Variants in EEFSEC observed in about 807,000 individuals in gnomAD.
EEFSEC encodes eukaryotic elongation factor, selenocysteine-tRNA specific.
Under a neutral mutation model 42.1 loss-of-function variants are expected in EEFSEC, and 43 were observed. That is an observed-to-expected ratio of 1.02 (90% CI 0.80 to 1.32). The LOEUF (loss-of-function observed/expected upper bound fraction) is 1.32, where lower values mean the gene tolerates loss of function less well. Among genes scored for constraint, EEFSEC ranks in the 40% most tolerant of loss-of-function variants. The pLI, the probability that EEFSEC is intolerant of heterozygous loss-of-function variation, is 0.00. For synonymous variants in EEFSEC, 354 were observed against 339.1 expected (o/e 1.04, Z -0.48); for missense variants, 745 against 803.6 (o/e 0.93, Z 0.88).
chr3:128,320,367 GTAGT>G (rs1052831965), intron 4 of EEFSEC, among the ~76,000 whole-genome samples: 4 of 152,232 alleles, frequency 2.6e-5, no homozygotes, highest in African/African-American at 9.7e-5. Context: ...AGTAGCAGTA[GTAGT>G]TTTAATCGCT....
intron 1 of EEFSEC, among the ~76,000 whole-genome samples, chr3:128,202,081 A>G (rs1163268671): frequency 1.3e-5 from 2 of 152,148 alleles, no homozygotes; most frequent in Non-Finnish European, 2.9e-5. Context: ...CACTGTCTTT[A>G]TTAGTAGCTT....
At chr3:128,162,490 C>T (rs2065200525) in intron 1 of EEFSEC, among the ~76,000 whole-genome samples, 1 of 152,210 alleles carries the variant, frequency 6.6e-6, no homozygotes, top group Non-Finnish European at 1.5e-5. Flanking sequence ...TTAACTCTCT[C>T]CAGGAGACTC....
intron 1 of EEFSEC, among the ~76,000 whole-genome samples, chr3:128,245,684 AG>A (rs2107896243): frequency 6.6e-6 from 1 of 152,284 alleles, no homozygotes; most frequent in East Asian, 1.9e-4. Flanking sequence ...CCTGATTTCT[AG>A]TGTCTTCGAT....
intron 4 of EEFSEC, among the ~76,000 whole-genome samples, chr3:128,312,393 G>C (rs2066899165): frequency 6.6e-6 from 1 of 152,222 alleles, no homozygotes; most frequent in Admixed American, 6.5e-5. Context: ...TTTTGGTCCT[G>C]TCCAACTGCT....
At chr3:128,165,716 G>T (rs1033933865) in intron 1 of EEFSEC, among the ~76,000 whole-genome samples, 1 of 152,216 alleles carries the variant, frequency 6.6e-6, no homozygotes, top group Non-Finnish European at 1.5e-5. Flanking sequence ...GCTGCTTAAA[G>T]ATAAACCTGA....
At chr3:128,293,805 C>T (rs1443222026) in intron 4 of EEFSEC, among the ~76,000 whole-genome samples, 2 of 152,184 alleles carry the variant, frequency 1.3e-5, no homozygotes, top group Non-Finnish European at 2.9e-5. Context: ...CCTTTCTGAG[C>T]CTTAGTTAAT....
intron 1 of EEFSEC, among the ~76,000 whole-genome samples, chr3:128,179,015 T>A (rs2065378511): frequency 6.6e-6 from 1 of 152,214 alleles, no homozygotes; most frequent in Admixed American, 6.5e-5. Flanking sequence ...ACTGTGATTG[T>A]AGGGAGTAAG....
intron 4 of EEFSEC, among the ~76,000 whole-genome samples, chr3:128,274,925 C>T (rs2066452222): frequency 6.6e-6 from 1 of 152,224 alleles, no homozygotes; most frequent in African/African-American, 2.4e-5. Flanking sequence ...CTTCAGTGGT[C>T]AGTTAAGTTT....
At position 128,218,553 on chromosome 3, in the gene EEFSEC, C is replaced by G. The variant is rs72973428; in HGVS notation, c.317-28283C>G. On this transcript the variant is annotated intron_variant, in intron 1 of 6. Transcript: ENST00000254730. ...TGTTTAATTCTTGCTTTAGATGTGT[C>G]CATTCAGACATTCCTTTGGTATGTT... Among the ~76,000 whole-genome samples, 4,242 of 152,260 alleles carry G rather than the reference C, an allele frequency of 0.028. 440 individuals are homozygous for G. In the East Asian group the frequency reaches 0.37, roughly 13 times the overall value.
chr3:128,217,358 C>G (rs2065820781), intron 1 of EEFSEC, among the ~76,000 whole-genome samples: 1 of 152,132 alleles, frequency 6.6e-6, no homozygotes, highest in African/African-American at 2.4e-5. Flanking sequence ...ACCCAAGGGT[C>G]CACCATGTGC....
intron 1 of EEFSEC, among the ~76,000 whole-genome samples, chr3:128,232,443 C>T (rs1275677439): frequency 5.3e-5 from 8 of 152,128 alleles, no homozygotes; most frequent in African/African-American, 1.9e-4. Context: ...TTCCTCTTAC[C>T]CGGAATGGGA....
intron 4 of EEFSEC, among the ~76,000 whole-genome samples, chr3:128,330,295 C>T (rs1190900263): frequency 6.6e-6 from 1 of 152,132 alleles, no homozygotes; most frequent in African/African-American, 2.4e-5. Flanking sequence ...TGGTCAGGGG[C>T]CTTTGCTGGG....
chr3:128,351,929 G>T (rs1330605634), intron 5 of EEFSEC, among the ~76,000 whole-genome samples: 1 of 152,204 alleles, frequency 6.6e-6, no homozygotes, highest in African/African-American at 2.4e-5. Flanking sequence ...TAGAAGCAAG[G>T]CCTATTGAGC....
Position 128,341,562 on chromosome 3 carries a change from A to G in EEFSEC, c.1116A>G (p.Glu372=). 1 of 1,614,104 alleles carries G rather than the reference A, an allele frequency of 6.2e-7. No individual in the cohort carries two copies. The highest frequency in any genetic ancestry group is 1.3e-5 in the African/African-American group (1 of 75,068). ...PILDSFNFSQ[E]YLFQEQYLSK... ...TGGACTCTTTCAACTTCTCTCAAGA[A>G]TACCTTTTCCAGGAGCAGTACCTGT... The change falls in exon 5 of 7, where the codon GAA becomes GAG. Residue 372 remains glutamate, a synonymous_variant. Transcript: ENST00000254730.
intron 4 of EEFSEC, among the ~76,000 whole-genome samples, chr3:128,269,240 T>A (rs551856937): frequency 2.0e-5 from 3 of 152,376 alleles, no homozygotes; most frequent in African/African-American, 7.2e-5. Context: ...TGTGCCCTGC[T>A]GTCACGGGAG....
At chr3:128,291,272 A>G (rs139256378) in intron 4 of EEFSEC, among the ~76,000 whole-genome samples, 171 of 152,302 alleles carry the variant, frequency 1.1e-3, no homozygotes, top group African/African-American at 3.9e-3. Flanking sequence ...GTTGCTGTCT[A>G]TGGTTTGAAT....
At chr3:128,304,513 T>C (rs2066805556) in intron 4 of EEFSEC, among the ~76,000 whole-genome samples, 1 of 152,182 alleles carries the variant, frequency 6.6e-6, no homozygotes, top group South Asian at 2.1e-4. Context: ...GACTTCGGTA[T>C]TGTTTTTATT....
In EEFSEC at chr3:128,298,152, A is replaced by C. The variant is rs373761617; in HGVS notation, c.786+33371A>C. On this transcript the variant is annotated intron_variant, in intron 4 of 6. Coordinates refer to ENST00000254730, the MANE Select transcript of EEFSEC (RefSeq NM_021937.5). ...TCTTACTCCCTTGTGCCAGTCTATGACACCACTGTTTTTTGTTTTTTGCTT... is the reference window on the plus strand; with the variant it reads ...TCTTACTCCCTTGTGCCAGTCTATGCCACCACTGTTTTTTGTTTTTTGCTT... Among the ~76,000 whole-genome samples, 3 of 152,300 alleles carry C rather than the reference A, an allele frequency of 2.0e-5. No individual in the cohort carries two copies. The South Asian group carries it at 6.2e-4, about 32-fold the overall frequency.
intron 6 of EEFSEC, among the ~76,000 whole-genome samples, chr3:128,359,100 GA>G (rs1407007653): frequency 6.6e-6 from 1 of 152,162 alleles, no homozygotes; most frequent in African/African-American, 2.4e-5. Flanking sequence ...ATAAAGCAGG[GA>G]CGAGATGGAA....
Sources: allele counts gnomAD v4.1 joint callset (sites outside exome capture counted in the v4.1 genomes callset), GRCh38; gene constraint gnomAD v4.1.1; transcripts MANE v1.5; gene names NCBI Gene and HGNC (gene_info 2026-07-23, HGNC 2026-07-21).